Variants in GC observed in about 807,000 individuals in gnomAD.
GC encodes vitamin D-binding protein.
GC carries 43 observed loss-of-function variants against 56.7 expected under a neutral mutation model. The ratio of observed to expected loss-of-function variants is 0.76; its 90% CI spans 0.59 to 0.98. GC has a LOEUF of 0.98. Among genes scored for constraint, GC ranks in the 50% least tolerant of loss-of-function variants. The pLI is 0.00. For missense variants in GC, 529 were observed against 545.9 expected (o/e 0.97, Z 0.31); for synonymous variants, 216 against 202.7 (o/e 1.07, Z -0.56).
At chr4:71,792,337 G>A (rs1742992157) in intron 1 of GC, among the ~76,000 whole-genome samples, 1 of 152,136 alleles carries the variant, frequency 6.6e-6, no homozygotes, top group African/African-American at 2.4e-5. Context: ...GTTGTTTCCT[G>A]ACTTTTTAAT....
chr4:71,745,150 T>C (rs1741323925), intron 12 of GC, among the ~76,000 whole-genome samples: 1 of 152,210 alleles, frequency 6.6e-6, no homozygotes, highest in Admixed American at 6.5e-5. Flanking sequence ...GTGAGGGAGA[T>C]ATGGAAATTT....
chr4:71,766,925 C>T (rs75774690), intron 3 of GC, among the ~76,000 whole-genome samples: 4,354 of 152,106 alleles, frequency 0.029, 110 homozygotes, highest in Non-Finnish European at 0.046. Context: ...ATATCAATGC[C>T]ATATCTGTTT....
chr4:71,763,126 TG>T (rs1200513812), intron 6 of GC, among the ~76,000 whole-genome samples: 1 of 152,192 alleles, frequency 6.6e-6, no homozygotes, highest in African/African-American at 2.4e-5. Flanking sequence ...TTGTAACATA[TG>T]CTAATATGAA....
chr4:71,765,746 T>C, intron 3 of GC, 103 bp from the exon 4 acceptor site: 1 of 716,700 alleles, frequency 1.4e-6, no homozygotes, highest in East Asian at 2.7e-5. Context: ...AAAATTCTCA[T>C]TTATAACTAT....
At chr4:71,763,740 T>C in intron 5 of GC, 64 bp downstream of exon 5, 1 of 1,363,244 alleles carries the variant, frequency 7.3e-7, no homozygotes, top group Non-Finnish European at 1.0e-6. Flanking sequence ...TTTCTACCAT[T>C]ATCTAAAAGG....
chr4:71,798,472 T>G (rs1186418328), intron 1 of GC, among the ~76,000 whole-genome samples: 1 of 152,210 alleles, frequency 6.6e-6, no homozygotes, highest in Non-Finnish European at 1.5e-5. Flanking sequence ...ACTGTAAAAC[T>G]TTGACTTTTC....
chr4:71,783,937 T>C, intron 1 of GC, 24 bp downstream of exon 1: 2 of 1,548,242 alleles, frequency 1.3e-6, no homozygotes, highest in African/African-American at 1.4e-5. Flanking sequence ...TTCCTGTAAA[T>C]GGTCACAACA....
At chr4:71,769,710 G>C (rs1446689694) in intron 1 of GC, 1 of 208,468 alleles carries the variant, frequency 4.8e-6, no homozygotes, top group Admixed American at 5.4e-5. Flanking sequence ...CAACTATTAG[G>C]TCCTATCTTT....
intron 1 of GC, among the ~76,000 whole-genome samples, chr4:71,792,373 T>C (rs1475955555): frequency 2.0e-5 from 3 of 152,234 alleles, no homozygotes; most frequent in Non-Finnish European, 2.9e-5. Context: ...TGGCGTGAGA[T>C]GGTATCTCAT....
At chr4:71,742,562 T>C (rs1227460200) in intron 12 of GC, among the ~76,000 whole-genome samples, 2 of 152,172 alleles carry the variant, frequency 1.3e-5, no homozygotes, top group Non-Finnish European at 2.9e-5. Context: ...CTAAAATATT[T>C]TCACCCAATC....
intron 1 of GC, among the ~76,000 whole-genome samples, chr4:71,782,086 C>A (rs1227232163): frequency 1.3e-5 from 2 of 151,672 alleles, no homozygotes; most frequent in African/African-American, 4.8e-5. Flanking sequence ...TGGCTCATTT[C>A]TTAAATATAT....
intron 1 of GC, among the ~76,000 whole-genome samples, chr4:71,771,776 T>C (rs1742351750): frequency 6.6e-6 from 1 of 152,140 alleles, no homozygotes; most frequent in South Asian, 2.1e-4. Context: ...GTTCAAAAGG[T>C]TAAGCAAGGC....
chr4:71,742,946 A>C (rs1004335542), intron 12 of GC, among the ~76,000 whole-genome samples: 1 of 152,002 alleles, frequency 6.6e-6, no homozygotes, highest in Non-Finnish European at 1.5e-5. Context: ...TGCACTCCAG[A>C]CTGGGCGACA....
chr4:71,756,669 T>A (rs1741782239), intron 8 of GC, 43 bp downstream of exon 8: 4 of 1,422,448 alleles, frequency 2.8e-6, no homozygotes, highest in Non-Finnish European at 3.0e-6. Flanking sequence ...TTTGTCCAGA[T>A]GAACTTAAAA....
intron 10 of GC, among the ~76,000 whole-genome samples, chr4:71,753,014 A>T (rs1428683837): frequency 6.6e-6 from 1 of 152,152 alleles, no homozygotes. Flanking sequence ...ACAGGACCTC[A>T]TACCAGCTTA....
upstream of GC, among the ~76,000 whole-genome samples, chr4:71,787,509 C>T (rs1257323638): frequency 6.6e-6 from 1 of 151,826 alleles, no homozygotes; most frequent in Non-Finnish European, 1.5e-5. Context: ...GCTATTGGTA[C>T]TACCATATCA....
chr4:71,772,821 C>G (rs1359513608), intron 1 of GC, among the ~76,000 whole-genome samples: 1 of 152,080 alleles, frequency 6.6e-6, no homozygotes, highest in African/African-American at 2.4e-5. Flanking sequence ...GCACCATGAT[C>G]TTTCAGGTGA....
chr4:71,789,961 T>C (rs1279078402), intron 1 of GC, among the ~76,000 whole-genome samples: 1 of 151,832 alleles, frequency 6.6e-6, no homozygotes, highest in Non-Finnish European at 1.5e-5. Context: ...TGGAAAGGAG[T>C]GTTAAAATCT....
chr4:71,790,149 G>A (rs375675448), intron 1 of GC, among the ~76,000 whole-genome samples: 81 of 151,866 alleles, frequency 5.3e-4, no homozygotes, highest in African/African-American at 1.8e-3. Flanking sequence ...ACTTTGTCTC[G>A]AAATCTGTTT....
Sources: allele counts gnomAD v4.1 joint callset (sites outside exome capture counted in the v4.1 genomes callset), GRCh38; gene constraint gnomAD v4.1.1; transcripts MANE v1.5; gene names NCBI Gene and HGNC (gene_info 2026-07-23, HGNC 2026-07-21).